Variants in TRAT1 observed in about 807,000 individuals in gnomAD.
The protein encoded by TRAT1 is T-cell receptor-associated transmembrane adapter 1.
TRAT1 carries 20 observed loss-of-function variants against 20.0 expected under a neutral mutation model. The observed-to-expected ratio is 1.00, with a 90% confidence interval of 0.70 to 1.45. TRAT1 has a LOEUF of 1.45. Ranked by LOEUF, TRAT1 falls within the 40% of genes most tolerant of loss-of-function variation. The pLI, the probability that TRAT1 is intolerant of heterozygous loss-of-function variation, is 0.00. For synonymous variants in TRAT1, 77 were observed against 74.2 expected, an observed-to-expected ratio of 1.04 and a Z score of -0.20; for missense variants, 237 against 224.1, an observed-to-expected ratio of 1.06 and a Z score of -0.37.
intron 3 of TRAT1, among the ~76,000 whole-genome samples, chr3:108,842,034 G>T (rs1371232762): frequency 6.6e-6 from 1 of 152,158 alleles, no homozygotes; most frequent in Non-Finnish European, 1.5e-5. Flanking sequence ...AAAAGCTGCT[G>T]TTTTATTGAA....
intron 5 of TRAT1, among the ~76,000 whole-genome samples, chr3:108,852,777 G>A (rs1184013984): frequency 6.6e-6 from 1 of 152,102 alleles, no homozygotes; most frequent in Non-Finnish European, 1.5e-5. Context: ...GCATTTTCTA[G>A]GCAAGAAAAT....
intron 3 of TRAT1, among the ~76,000 whole-genome samples, chr3:108,841,614 T>C (rs1183139583): frequency 6.6e-6 from 1 of 152,122 alleles, no homozygotes; most frequent in Non-Finnish European, 1.5e-5. Flanking sequence ...CTCTCCCCAC[T>C]CCTATTCAAT....
At chr3:108,825,802 CT>C (rs1945732629) in intron 1 of TRAT1, among the ~76,000 whole-genome samples, 1 of 152,240 alleles carries the variant, frequency 6.6e-6, no homozygotes, top group South Asian at 2.1e-4. Flanking sequence ...AATAGGCCTT[CT>C]TGAAATATTA....
chr3:108,829,717 G>A (rs1437778984), intron 1 of TRAT1, among the ~76,000 whole-genome samples: 2 of 152,044 alleles, frequency 1.3e-5, no homozygotes, highest in Non-Finnish European at 2.9e-5. Flanking sequence ...TAACTGTTGG[G>A]ATGTCATAGT....
intron 3 of TRAT1, among the ~76,000 whole-genome samples, chr3:108,841,035 A>T (rs143261914): frequency 6.6e-6 from 1 of 152,376 alleles, no homozygotes; most frequent in Non-Finnish European, 1.5e-5. Flanking sequence ...GACTAGAATA[A>T]AACCTAGGCT....
At chr3:108,847,316 T>C (rs1945956645) in intron 4 of TRAT1, 187 bp downstream of exon 4, 3 of 469,040 alleles carry the variant, frequency 6.4e-6, no homozygotes, top group Admixed American at 8.6e-5. Context: ...TGTATTACAA[T>C]AGCCACTCTA....
intron 3 of TRAT1, among the ~76,000 whole-genome samples, chr3:108,846,485 A>T (rs1359845779): frequency 2.0e-5 from 3 of 152,216 alleles, no homozygotes; most frequent in Non-Finnish European, 4.4e-5. Flanking sequence ...CCATCTGGAC[A>T]TAATAGGTGA....
intron 3 of TRAT1, among the ~76,000 whole-genome samples, chr3:108,845,479 C>T (rs1472945418): frequency 6.6e-6 from 1 of 152,102 alleles, no homozygotes; most frequent in African/African-American, 2.4e-5. Flanking sequence ...CTTGATATCC[C>T]AATATTAAGC....
intron 4 of TRAT1, among the ~76,000 whole-genome samples, chr3:108,847,900 A>G (rs558927710): frequency 6.6e-6 from 1 of 152,306 alleles, no homozygotes; most frequent in African/African-American, 2.4e-5. Context: ...AAAAATCTAT[A>G]TATTAAAACA....
At chr3:108,853,586 C>T in intron 5 of TRAT1, 34 bp from the exon 6 acceptor site, 2 of 1,599,008 alleles carry the variant, frequency 1.3e-6, no homozygotes, top group Non-Finnish European at 1.7e-6. Flanking sequence ...AAAGAACAGA[C>T]TAACAATGAA....
chr3:108,850,306 C>CT (rs35451422), intron 5 of TRAT1, among the ~76,000 whole-genome samples: 69,812 of 144,682 alleles, frequency 0.48, 17,235 homozygotes, highest in East Asian at 0.85. Flanking sequence ...AACTTTTAAA[C>CT]TTTTTTTTTT....
chr3:108,822,860 T>C lies in TRAT1; in HGVS notation c.-68T>C. On this transcript the variant is annotated 5_prime_UTR_variant, in exon 1 of 6. Transcript: ENST00000295756. Reference sequence around the variant, plus strand: ...AGCAACATCACCTAGGAAAAAAGTTTGTAGGAGGATTTTTAATCCATATAT... The same window carrying C: ...AGCAACATCACCTAGGAAAAAAGTTCGTAGGAGGATTTTTAATCCATATAT... The C allele has an allele frequency of 6.8e-7, 1 of 1,462,790 alleles. No homozygotes were observed. The highest frequency in any genetic ancestry group is 9.5e-7 in the Non-Finnish European group (1 of 1,048,744). The allele number at this position is 1,462,790 out of a possible 1,614,324, so 90.6% of individuals were successfully genotyped here.
chr3:108,847,295 A>G (rs1013592324), intron 4 of TRAT1, 166 bp downstream of exon 4: 74 of 507,718 alleles, frequency 1.5e-4, no homozygotes, highest in African/African-American at 1.4e-3. Context: ...CCAAAGCTGC[A>G]TATTGTAAGT....
intron 5 of TRAT1, among the ~76,000 whole-genome samples, chr3:108,849,549 A>T (rs1326609728): frequency 6.6e-6 from 1 of 152,236 alleles, no homozygotes; most frequent in Non-Finnish European, 1.5e-5. Context: ...CAGAGATAAT[A>T]TAATATAGAA....
intron 3 of TRAT1, among the ~76,000 whole-genome samples, chr3:108,840,989 G>C (rs1037103679): frequency 3.9e-5 from 6 of 152,202 alleles, no homozygotes; most frequent in African/African-American, 1.4e-4. Context: ...TGATATGCTG[G>C]GCTAAAGCAC....
At chr3:108,853,382 A>G (rs952027857) in intron 5 of TRAT1, among the ~76,000 whole-genome samples, 2 of 152,242 alleles carry the variant, frequency 1.3e-5, no homozygotes, top group African/African-American at 2.4e-5. Flanking sequence ...AGAGTATAAT[A>G]AAGAAATAAA....
At chr3:108,848,718 T>C (rs1326897367) in intron 4 of TRAT1, among the ~76,000 whole-genome samples, 2 of 152,224 alleles carry the variant, frequency 1.3e-5, no homozygotes, top group African/African-American at 4.8e-5. Context: ...AAAATGTCCC[T>C]GAGCAAAACT....
At chr3:108,832,242 A>C (rs973611129) in intron 2 of TRAT1, among the ~76,000 whole-genome samples, 7 of 152,228 alleles carry the variant, frequency 4.6e-5, no homozygotes, top group African/African-American at 1.7e-4. Flanking sequence ...GGTTTCTACC[A>C]GTACATCCTT....
At chr3:108,847,575 TTGATGGC>T (rs1264499693) in intron 4 of TRAT1, among the ~76,000 whole-genome samples, 5 of 152,208 alleles carry the variant, frequency 3.3e-5, no homozygotes, top group African/African-American at 1.2e-4. Context: ...TAGGGCTGGA[TTGATGGC>T]AGGTGGGAGA....
Sources: gnomAD v4.1 joint callset for allele counts (sites outside exome capture counted in the v4.1 genomes callset) on GRCh38, gnomAD v4.1.1 for gene constraint, MANE v1.5 for transcripts, NCBI Gene and HGNC (gene_info 2026-07-23, HGNC 2026-07-21) for gene names.